The following SLC2A14 variants were observed in gnomAD, a reference collection of about 807,000 sequenced individuals.
SLC2A14 encodes solute carrier family 2 member 14.
Under a neutral mutation model 43.0 loss-of-function variants are expected in SLC2A14, and 13 were observed. The ratio of observed to expected loss-of-function variants is 0.30; its 90% CI spans 0.20 to 0.48. The LOEUF (loss-of-function observed/expected upper bound fraction) is 0.48, where lower values mean the gene tolerates loss of function less well. Among genes scored for constraint, SLC2A14 ranks in the 20% least tolerant of loss-of-function variants. The pLI is 0.99. For synonymous variants in SLC2A14, 190 were observed against 233.8 expected (o/e 0.81, Z 1.71); for missense variants, 428 against 620.4 (o/e 0.69, Z 3.29).
intron 1 of SLC2A14, among the ~76,000 whole-genome samples, chr12:7,882,903 G>A (rs1165091594): frequency 6.9e-6 from 1 of 145,518 alleles, no homozygotes; most frequent in Non-Finnish European, 1.5e-5. Context: ...AAAAAAAAAA[G>A]GACTAAGACT....
chr12:7,864,399 T>A (rs1268819204), intron 2 of SLC2A14, among the ~76,000 whole-genome samples: 1 of 152,030 alleles, frequency 6.6e-6, no homozygotes, highest in Admixed American at 6.6e-5. Context: ...AGTGCAGTGG[T>A]GCAATCTCAG....
At chr12:7,829,704 T>C (rs896180765) in intron 5 of SLC2A14, 62 bp downstream of exon 5, 76 of 1,596,026 alleles carry the variant, frequency 4.8e-5, no homozygotes, top group Middle Eastern at 1.7e-4. Flanking sequence ...GCTTTACCTA[T>C]GTTAACTTTT....
At chr12:7,825,468 AAAAAG>A (rs1335547874) in intron 7 of SLC2A14, among the ~76,000 whole-genome samples, 5 of 147,220 alleles carry the variant, frequency 3.4e-5, no homozygotes, top group South Asian at 2.1e-4. Flanking sequence ...TCAAAAAAAA[AAAAAG>A]AAAGAGCAAG....
intron 2 of SLC2A14, among the ~76,000 whole-genome samples, chr12:7,849,471 T>C (rs912416096): frequency 1.3e-5 from 2 of 151,986 alleles, no homozygotes; most frequent in Non-Finnish European, 2.9e-5. Flanking sequence ...GCCACTACAC[T>C]CTAGCCTGGG....
intron 1 of SLC2A14, among the ~76,000 whole-genome samples, chr12:7,883,156 C>T (rs1246421839): frequency 6.6e-6 from 1 of 151,738 alleles, no homozygotes; most frequent in Non-Finnish European, 1.5e-5. Context: ...TTGCAGTGAG[C>T]CAAGATCATG....
intron 2 of SLC2A14, among the ~76,000 whole-genome samples, chr12:7,865,858 A>C (rs1384633000): frequency 6.6e-6 from 1 of 152,186 alleles, no homozygotes; most frequent in African/African-American, 2.4e-5. Context: ...CAGTTAGCCA[A>C]GCTATAAATA....
chr12:7,823,321 T>A (rs1475346728), intron 7 of SLC2A14, among the ~76,000 whole-genome samples: 1 of 149,884 alleles, frequency 6.7e-6, no homozygotes, highest in Non-Finnish European at 1.5e-5. Flanking sequence ...AGGTGGAGGT[T>A]GCAGTGAACT....
Position 7,830,019 on chromosome 12 carries a change from T to A in SLC2A14, c.273-13A>T. On this transcript the variant is annotated splice_polypyrimidine_tract_variant and intron_variant, in intron 4 of 10. Coordinates refer to ENST00000431042, the MANE Select transcript of SLC2A14 (RefSeq NM_001286234.2). ...CATTGAATTGCGCCTGTAAGGTTAA[T>A]CAAAGACAACATGGAATTAGCAAAG... 1 of 1,613,886 alleles carries A rather than the reference T, an allele frequency of 6.2e-7. No homozygotes were observed. Among genetic ancestry groups the A allele is most frequent in the East Asian group, 2.2e-5 (1 of 44,876 alleles).
At chr12:7,859,300 G>T (rs1309346433) in intron 2 of SLC2A14, among the ~76,000 whole-genome samples, 1 of 152,052 alleles carries the variant, frequency 6.6e-6, no homozygotes, top group Non-Finnish European at 1.5e-5. Flanking sequence ...TGAGGCAGGA[G>T]AATCACTTGA....
At chr12:7,845,310 G>A (rs1306721884) in intron 2 of SLC2A14, among the ~76,000 whole-genome samples, 2 of 152,140 alleles carry the variant, frequency 1.3e-5, no homozygotes, top group Admixed American at 6.6e-5. Flanking sequence ...GTCTATTCAT[G>A]CTCCTCCATT....
rs973863194 is a variant in SLC2A14 at position 7,832,597 on chromosome 12, T to A, written c.111+125A>T. On this transcript the variant is annotated intron_variant, in intron 3 of 10. Coordinates refer to ENST00000431042, the MANE Select transcript of SLC2A14 (RefSeq NM_001286234.2). ...CTCAAGTGATCTTTAAGCCTCAGCC[T>A]CCGGAGTAGCTGGGACTCCAGGCAG... The A allele has an allele frequency of 3.0e-6, 3 of 1,002,418 alleles. No homozygotes were observed. The African/African-American group carries it at 4.8e-5, about 16-fold the overall frequency. 62.1% of individuals were successfully genotyped at this position (1,002,418 alleles called of 1,614,324 possible).
intron 2 of SLC2A14, among the ~76,000 whole-genome samples, chr12:7,865,536 C>CA (rs777728882): frequency 3.0e-4 from 41 of 135,106 alleles, no homozygotes; most frequent in African/African-American, 4.7e-4. Context: ...GACTCTGTCT[C>CA]AAAAAAAAAA....
At chr12:7,849,558 C>CTTT (rs376892818) in intron 2 of SLC2A14, among the ~76,000 whole-genome samples, 1 of 151,442 alleles carries the variant, frequency 6.6e-6, no homozygotes, top group Non-Finnish European at 1.5e-5. Flanking sequence ...ATTGAATGAG[C>CTTT]TTTTTTTTAA....
chr12:7,821,434 G>A (rs1185917414), intron 7 of SLC2A14, 109 bp from the exon 8 acceptor site: 2 of 935,916 alleles, frequency 2.1e-6, no homozygotes, highest in Admixed American at 4.2e-5. Flanking sequence ...TGTAATCCCA[G>A]CACTTTGGGA....
intron 9 of SLC2A14, 138 bp from the exon 10 acceptor site, chr12:7,818,172 G>C (rs1863640139): frequency 1.3e-6 from 1 of 790,930 alleles, no homozygotes; most frequent in Non-Finnish European, 2.0e-6. Flanking sequence ...AAAAGGCTTG[G>C]ATTTATTTTT....
rs923923953 is a variant in SLC2A14, at chr12:7,813,346, A to G, written c.*970T>C. 1 of 152,202 alleles carries G rather than the reference A, an allele frequency of 6.6e-6. No individual in the cohort carries two copies. The highest frequency in any genetic ancestry group is 2.4e-5 in the African/African-American group (1 of 41,466). 9.4% of individuals were successfully genotyped at this position (152,202 alleles called of 1,614,324 possible). A position where few individuals can be genotyped will look rare whatever the true frequency, so the allele number is the denominator to read the frequency against. On this transcript the variant is annotated 3_prime_UTR_variant, in exon 11 of 11. Transcript: ENST00000431042. ...TGGCGGGATTACTTCAAAAGTAATG[A>G]GACTACTACAAGGAGTTATTTCGTC...
intron 7 of SLC2A14, among the ~76,000 whole-genome samples, chr12:7,827,270 CTTT>C (rs71038780): frequency 1.1e-4 from 11 of 99,210 alleles, no homozygotes; most frequent in Non-Finnish European, 9.6e-5. Flanking sequence ...TAATTTTTGT[CTTT>C]TTTTTTTTTT....
chr12:7,814,976 T>A (rs1033189866), intron 10 of SLC2A14, among the ~76,000 whole-genome samples: 1 of 152,040 alleles, frequency 6.6e-6, no homozygotes, highest in Non-Finnish European at 1.5e-5. Context: ...ATTTTTGTAT[T>A]TTTAGCAGAG....
rs778363186 is a variant in SLC2A14 at position 7,872,890 on chromosome 12, G to T, written c.-141C>A. The T allele has an allele frequency of 5.9e-5, 58 of 985,638 alleles. 1 individual carries two copies. The African/African-American group carries it at 9.6e-4, about 16-fold the overall frequency. The allele number at this position is 985,638 out of a possible 1,614,324, so 61.1% of individuals were successfully genotyped here. Reference sequence around the variant, plus strand: ...GGGCCGCTGCGCCCCCGCCGGCCCCGCCTGCAGCCGTTGGGACCCACTAAC... The same window carrying T: ...GGGCCGCTGCGCCCCCGCCGGCCCCTCCTGCAGCCGTTGGGACCCACTAAC... On this transcript the variant is annotated 5_prime_UTR_variant, in exon 1 of 11. Coordinates refer to ENST00000431042, the MANE Select transcript of SLC2A14 (RefSeq NM_001286234.2).
Sources: allele counts gnomAD v4.1 joint callset (sites outside exome capture counted in the v4.1 genomes callset), GRCh38; gene constraint gnomAD v4.1.1; transcripts MANE v1.5; gene names NCBI Gene and HGNC (gene_info 2026-07-23, HGNC 2026-07-21).